Variants in CFTR observed in about 807,000 individuals in gnomAD.
CFTR encodes cystic fibrosis transmembrane conductance regulator.
CFTR carries 181 observed loss-of-function variants against 171.6 expected under a neutral mutation model. The observed-to-expected ratio is 1.05, with a 90% CI of 0.93 to 1.19. The LOEUF is 1.19. CFTR is among the 50% of genes most tolerant of loss of function. The pLI, the probability that CFTR is intolerant of heterozygous loss-of-function variation, is 0.00. For synonymous variants in CFTR, 583 were observed against 608.0 expected (o/e 0.96, Z 0.60); for missense variants, 1,968 against 1,734.7 (o/e 1.13, Z -2.39).
chr7:117,660,885 C>T (rs945740641), intron 24 of CFTR, among the ~76,000 whole-genome samples: 1 of 151,940 alleles, frequency 6.6e-6, no homozygotes, highest in African/African-American at 2.4e-5. Flanking sequence ...CCATAATTTC[C>T]TTTAAGGCAG....
intron 11 of CFTR, among the ~76,000 whole-genome samples, chr7:117,581,364 G>A (rs945195120): frequency 6.6e-5 from 10 of 152,188 alleles, no homozygotes; most frequent in Middle Eastern, 3.4e-3. Context: ...TAAAAGCTAC[G>A]TGATCAGGCC....
intron 22 of CFTR, among the ~76,000 whole-genome samples, chr7:117,635,921 A>T (rs1792820641): frequency 6.6e-6 from 1 of 152,174 alleles, no homozygotes; most frequent in Admixed American, 6.5e-5. Context: ...TAATTTTATT[A>T]TAAAATGAAA....
chr7:117,533,250 T>G lies in CFTR; in HGVS notation c.490-1026T>G, dbSNP rs34844161. 2.2e-3 allele frequency among the ~76,000 whole-genome samples: 341 copies of G among 152,234 alleles called. 4 individuals carry two copies. The highest frequency in any genetic ancestry group is 0.021 in the Admixed American group (319 of 15,266). On this transcript the variant is annotated intron_variant, in intron 4 of 26. Transcript: ENST00000003084. ...ACTTCATATTGCTCTGATAATGTTTTGGAATTAACTGCCTTGATTCCTTCT... is the reference window on the plus strand; with the variant it reads ...ACTTCATATTGCTCTGATAATGTTTGGGAATTAACTGCCTTGATTCCTTCT...
At position 117,504,375 on chromosome 7, in the gene CFTR, T is replaced by A; in HGVS notation, c.164+12T>A. Reference sequence around the variant, plus strand: ...GAAAAATTGGAAAGGTATGTTCATGTACATTGTTTAGTTGAAGAGAGAAAT... The same window carrying A: ...GAAAAATTGGAAAGGTATGTTCATGAACATTGTTTAGTTGAAGAGAGAAAT... On this transcript the variant is annotated intron_variant, in intron 2 of 26. Coordinates refer to ENST00000003084, the MANE Select transcript of CFTR (RefSeq NM_000492.4). 7.9e-7 allele frequency: 1 copy of A among 1,260,782 alleles called. No individual in the cohort carries two copies. Among genetic ancestry groups the A allele is most frequent in the Non-Finnish European group, 1.2e-6 (1 of 857,996 alleles). The allele number at this position is 1,260,782 out of a possible 1,614,324, so 78.1% of individuals were successfully genotyped here. A position where few individuals can be genotyped will look rare whatever the true frequency, so the allele number is the denominator to read the frequency against.
chr7:117,644,324 C>T (rs1277990405), intron 23 of CFTR, among the ~76,000 whole-genome samples: 1 of 151,954 alleles, frequency 6.6e-6, no homozygotes, highest in African/African-American at 2.4e-5. Flanking sequence ...ACTTCTCATA[C>T]ATTTTTGATG....
In CFTR at chr7:117,553,224, G is replaced by GACAC. The variant is rs375658005; in HGVS notation, c.1392+4421_1392+4424dup. Among the ~76,000 whole-genome samples, 823 of 149,060 alleles carry GACAC rather than the reference G, an allele frequency of 5.5e-3. 7 individuals are homozygous for GACAC. Among genetic ancestry groups the GACAC allele is most frequent in the African/African-American group, 0.015 (616 of 40,622 alleles). ...ATTTTGTTATAGCAGCCTGAACAAG[G>GACAC]ACACACACACACACACACACACATG... On this transcript the variant is annotated intron_variant, in intron 10 of 26. Transcript: ENST00000003084.
At chr7:117,651,176 A>G (rs1347769538) in intron 23 of CFTR, among the ~76,000 whole-genome samples, 2 of 152,214 alleles carry the variant, frequency 1.3e-5, no homozygotes, top group African/African-American at 4.8e-5. Flanking sequence ...TTTGGAGGAG[A>G]TAACTGTTCT....
intron 11 of CFTR, 47 bp from the exon 12 acceptor site, chr7:117,587,692 T>C: frequency 1.9e-6 from 2 of 1,055,372 alleles, no homozygotes; most frequent in Non-Finnish European, 3.0e-6. Flanking sequence ...CAAATTCAGA[T>C]TGAGCATACT....
chr7:117,572,930 A>C (rs1791715786), intron 11 of CFTR, among the ~76,000 whole-genome samples: 9 of 152,192 alleles, frequency 5.9e-5, no homozygotes, highest in Admixed American at 5.2e-4. Flanking sequence ...CAGCCATTAA[A>C]AAAGGGTTTA....
intron 24 of CFTR, among the ~76,000 whole-genome samples, chr7:117,654,626 T>C (rs1227330289): frequency 6.6e-6 from 1 of 152,204 alleles, no homozygotes; most frequent in African/African-American, 2.4e-5. Context: ...TCCCTGCTCT[T>C]GCACCCTCTT....
At chr7:117,586,397 C>A (rs773091055) in intron 11 of CFTR, 6 of 152,150 alleles carry the variant, frequency 3.9e-5, no homozygotes, top group Non-Finnish European at 8.8e-5. Flanking sequence ...AACATGTCAG[C>A]ATTTTTTTCA....
chr7:117,503,247 G>T (rs978107975), intron 1 of CFTR, among the ~76,000 whole-genome samples: 15 of 152,270 alleles, frequency 9.9e-5, no homozygotes, highest in Admixed American at 8.5e-4. Context: ...ACCAAATAAG[G>T]TCTGAATGAC....
chr7:117,630,877 A>G (rs146932875), intron 22 of CFTR, among the ~76,000 whole-genome samples: 2 of 152,332 alleles, frequency 1.3e-5, no homozygotes, highest in East Asian at 3.9e-4. Flanking sequence ...GGCAAAGGGC[A>G]TAACATGAGG....
At chr7:117,638,972 G>T (rs952651880) in intron 22 of CFTR, among the ~76,000 whole-genome samples, 13 of 151,944 alleles carry the variant, frequency 8.6e-5, no homozygotes, top group African/African-American at 3.1e-4. Context: ...CCAAAACACT[G>T]CCAGCTCAGC....
At chr7:117,595,708 C>A (rs1322876946) in intron 15 of CFTR, among the ~76,000 whole-genome samples, 1 of 151,780 alleles carries the variant, frequency 6.6e-6, no homozygotes, top group Non-Finnish European at 1.5e-5. Context: ...CACAGTGAGA[C>A]ACCGTATCTA....
At chr7:117,637,030 G>A (rs978903142) in intron 22 of CFTR, among the ~76,000 whole-genome samples, 2 of 151,568 alleles carry the variant, frequency 1.3e-5, no homozygotes, top group East Asian at 1.9e-4. Context: ...TTGGCCAGGC[G>A]GGTCTTGAAC....
chr7:117,587,140 A>C (rs1791948248), intron 11 of CFTR, among the ~76,000 whole-genome samples: 1 of 152,176 alleles, frequency 6.6e-6, no homozygotes, highest in African/African-American at 2.4e-5. Flanking sequence ...GGAGGGGCAG[A>C]ATGAATGGAG....
In CFTR at chr7:117,627,757, G is replaced by C; in HGVS notation, c.3704G>C (p.Ser1235Thr). Residue 1235 changes from serine (S) to threonine (T), a missense_variant, in exon 22 of 27, where the codon AGT becomes ACT. Transcript: ENST00000003084. ...TTAGAGAACATTTCCTTCTCAATAA[G>C]TCCTGGCCAGAGGGTGAGATTTGAA... is the stretch of plus-strand genomic sequence containing the variant. ...AILENISFSISPGQRVGLLGR... is the reference protein window; with the variant it reads ...AILENISFSITPGQRVGLLGR... The C allele has an allele frequency of 6.2e-7, 1 of 1,611,598 alleles. No homozygotes were observed. The highest frequency in any genetic ancestry group is 8.5e-7 in the Non-Finnish European group (1 of 1,179,364).
intron 8 of CFTR, among the ~76,000 whole-genome samples, chr7:117,540,701 T>C (rs1264592186): frequency 1.3e-5 from 2 of 152,228 alleles, no homozygotes; most frequent in African/African-American, 4.8e-5. Flanking sequence ...TAAATACTTA[T>C]TATGCTTTTT....
Sources: allele counts gnomAD v4.1 joint callset (sites outside exome capture counted in the v4.1 genomes callset), GRCh38; gene constraint gnomAD v4.1.1; transcripts MANE v1.5; gene names NCBI Gene and HGNC (gene_info 2026-07-23, HGNC 2026-07-21).